The following TTC34 variants were observed in gnomAD, a reference collection of about 807,000 sequenced individuals.
The protein encoded by TTC34 is tetratricopeptide repeat protein 34.
Under a neutral mutation model 40.7 loss-of-function variants are expected in TTC34, and 44 were observed. The ratio of observed to expected loss-of-function variants is 1.08; its 90% CI spans 0.85 to 1.39. The LOEUF (loss-of-function observed/expected upper bound fraction) is 1.39. Ranked by LOEUF, TTC34 falls within the 40% of genes most tolerant of loss-of-function variation. The pLI is 0.00. For missense variants in TTC34, 884 were observed against 838.0 expected, an observed-to-expected ratio of 1.05 and a Z score of -0.68; for synonymous variants, 422 against 398.6, an observed-to-expected ratio of 1.06 and a Z score of -0.70.
chr1:2,655,354 G>A (rs796554670), intron 6 of TTC34, among the ~76,000 whole-genome samples: 4 of 4,650 alleles, frequency 8.6e-4, no homozygotes, highest in Admixed American at 3.3e-3. Flanking sequence ...GCACCTGACA[G>A]CCTGGAGCAG....
intron 2 of TTC34, among the ~76,000 whole-genome samples, chr1:2,797,557 A>G (rs1437054685): frequency 6.6e-6 from 1 of 152,190 alleles, no homozygotes; most frequent in African/African-American, 2.4e-5. Flanking sequence ...CTGTGTGTAA[A>G]GCACTCAGTA....
At position 2,789,384 on chromosome 1, in the gene TTC34, A is replaced by AGCCACTGCCACCAG. The variant is rs1331645908; in HGVS notation, c.1628+118_1628+119insCTGGTGGCAGTGGC. On this transcript the variant is annotated intron_variant, in intron 3 of 8. Transcript: ENST00000401095. ...CTAGACCTGCCTCGGGTGCTTTGGGAAGTCACCAGCCACTGCCTCCGTTCA... is the reference window on the plus strand; with the variant it reads ...CTAGACCTGCCTCGGGTGCTTTGGGAGCCACTGCCACCAGAGTCACCAGCCACTGCCTCCGTTCA... 1.1e-4 allele frequency: 111 copies of AGCCACTGCCACCAG among 1,028,606 alleles called. 2 individuals carry two copies. In the South Asian group the frequency reaches 1.5e-3, roughly 14 times the overall value. The allele number at this position is 1,028,606 out of a possible 1,614,324, so 63.7% of individuals were successfully genotyped here. A position where few individuals can be genotyped will look rare whatever the true frequency, so the allele number is the denominator to read the frequency against.
intron 2 of TTC34, among the ~76,000 whole-genome samples, chr1:2,792,551 A>T (rs1402613032): frequency 6.6e-6 from 1 of 152,176 alleles, no homozygotes; most frequent in Non-Finnish European, 1.5e-5. Context: ...TAGCAGTGAA[A>T]TTGGCTGGGT....
intron 6 of TTC34, among the ~76,000 whole-genome samples, chr1:2,686,436 C>CT (rs1270816864): frequency 6.7e-6 from 1 of 149,192 alleles, no homozygotes. Flanking sequence ...GAACAGAACC[C>CT]ACACCCCCAG....
At chr1:2,801,127 G>A (rs1402338105) in intron 1 of TTC34, among the ~76,000 whole-genome samples, 1 of 152,180 alleles carries the variant, frequency 6.6e-6, no homozygotes, top group Admixed American at 6.5e-5. Context: ...GCCTCCCCCA[G>A]CTCAGTTCCC....
exon 2 of TTC34, chr1:2,800,317 G>A (rs1437144794): frequency 3.0e-5 from 12 of 398,466 alleles, no homozygotes; most frequent in Non-Finnish European, 5.3e-5. Flanking sequence ...GCTACCGTCC[G>A]GTCGGCGCTG....
At chr1:2,750,781 C>T (rs1339762067) in intron 6 of TTC34, among the ~76,000 whole-genome samples, 1 of 111,616 alleles carries the variant, frequency 9.0e-6, no homozygotes, top group African/African-American at 4.0e-5. Context: ...AGGTGAACAT[C>T]GGAGAGTCTG....
At chr1:2,752,502 G>C (rs1426031988) in intron 6 of TTC34, among the ~76,000 whole-genome samples, 127 of 124,856 alleles carry the variant, frequency 1.0e-3, no homozygotes, top group East Asian at 2.4e-3. Context: ...AGCCAGGTGA[G>C]CATCTGACAG....
chr1:2,785,457 A>G (rs1472240198), intron 5 of TTC34, among the ~76,000 whole-genome samples: 1 of 152,086 alleles, frequency 6.6e-6, no homozygotes, highest in Admixed American at 6.5e-5. Flanking sequence ...GGAGCCTGTC[A>G]CTATTTCTAG....
intron 6 of TTC34, chr1:2,774,642 C>A (rs1642883084): frequency 1.2e-5 from 1 of 84,778 alleles, no homozygotes; most frequent in African/African-American, 5.1e-5. Flanking sequence ...GAGCATCTGA[C>A]AGCCTGGAAC....
At chr1:2,653,453 A>T (rs796574173) in intron 6 of TTC34, among the ~76,000 whole-genome samples, 149 of 14,654 alleles carry the variant, frequency 0.01, no homozygotes, top group East Asian at 0.031. Context: ...CTGCACCCCC[A>T]GGTGTGCACG....
chr1:2,798,282 C>T (rs1175369910), intron 2 of TTC34, among the ~76,000 whole-genome samples: 1 of 91,962 alleles, frequency 1.1e-5, no homozygotes, highest in Non-Finnish European at 2.3e-5. Flanking sequence ...TCCCAGCCTC[C>T]TAGCCTCTCA....
chr1:2,750,565 CCCCA>C (rs1641284799), intron 6 of TTC34, among the ~76,000 whole-genome samples: 1 of 120,620 alleles, frequency 8.3e-6, no homozygotes, highest in Non-Finnish European at 1.7e-5. Context: ...GCACCCACAC[CCCCA>C]GGTGAGCATC....
At chr1:2,649,765 C>T (rs549125600) in intron 6 of TTC34, among the ~76,000 whole-genome samples, 1 of 152,292 alleles carries the variant, frequency 6.6e-6, no homozygotes, top group South Asian at 2.1e-4. Flanking sequence ...CCACCCACCT[C>T]GGCCTCCCAA....
At chr1:2,683,413 C>T (rs1160689257) in intron 6 of TTC34, among the ~76,000 whole-genome samples, 61 of 128,922 alleles carry the variant, frequency 4.7e-4, no homozygotes, top group Non-Finnish European at 6.0e-4. Context: ...CATCCGATAG[C>T]CTGGAACACC....
chr1:2,692,525 G>C (rs1457605196), intron 6 of TTC34, among the ~76,000 whole-genome samples: 1 of 109,352 alleles, frequency 9.1e-6, no homozygotes, highest in East Asian at 2.8e-4. Context: ...GCACGTGACA[G>C]CTTGGATCAG....
intron 6 of TTC34, among the ~76,000 whole-genome samples, chr1:2,698,947 A>G (rs1055625100): frequency 9.0e-5 from 12 of 133,388 alleles, no homozygotes; most frequent in African/African-American, 3.0e-4. Flanking sequence ...TGAGCATCTG[A>G]CAGCCTGGAA....
At chr1:2,795,339 AG>A (rs1216313709) in intron 2 of TTC34, among the ~76,000 whole-genome samples, 1 of 152,208 alleles carries the variant, frequency 6.6e-6, no homozygotes, top group African/African-American at 2.4e-5. Flanking sequence ...TGGTCTTACC[AG>A]GGGTCACTCA....
intron 2 of TTC34, among the ~76,000 whole-genome samples, chr1:2,791,223 C>T (rs1024536949): frequency 2.6e-5 from 4 of 152,110 alleles, no homozygotes; most frequent in Admixed American, 6.5e-5. Flanking sequence ...CCAAAAAGGG[C>T]CCCAGGCAGG....
Sources: gnomAD v4.1 joint callset for allele counts (sites outside exome capture counted in the v4.1 genomes callset) on GRCh38, gnomAD v4.1.1 for gene constraint, MANE v1.5 for transcripts, NCBI Gene and HGNC (gene_info 2026-07-23, HGNC 2026-07-21) for gene names.